The following PHLPP2 variants were observed in gnomAD, a reference collection of about 807,000 sequenced individuals.
The protein encoded by PHLPP2 is PH domain leucine-rich repeat-containing protein phosphatase 2.
In PHLPP2, 66 loss-of-function variants were observed where a neutral mutation model predicts 124.9. The observed-to-expected ratio is 0.53, with a 90% confidence interval of 0.43 to 0.65. The LOEUF is 0.65. PHLPP2 is among the 30% of genes least tolerant of loss of function. The probability of loss-of-function intolerance (pLI) is 0.00; values close to 1 mark genes in which losing one functional copy is unlikely to be tolerated. For synonymous variants in PHLPP2, 681 were observed against 624.7 expected, an observed-to-expected ratio of 1.09 and a Z score of -1.34; for missense variants, 1,685 against 1,600.4, an observed-to-expected ratio of 1.05 and a Z score of -0.90.
intron 1 of PHLPP2, among the ~76,000 whole-genome samples, chr16:71,720,259 G>A (rs985781385): frequency 3.3e-5 from 5 of 151,690 alleles, no homozygotes; most frequent in South Asian, 2.1e-4. Context: ...GTGAGCCACC[G>A]CGCCTGGCCA....
chr16:71,721,501 G>C (rs767337256), intron 1 of PHLPP2, among the ~76,000 whole-genome samples: 8 of 152,262 alleles, frequency 5.3e-5, no homozygotes, highest in Middle Eastern at 3.4e-3. Context: ...CTACTTGAGA[G>C]GCTGAGGTAC....
At chr16:71,702,799 G>GTCTTTT in intron 2 of PHLPP2, 68 bp from the exon 3 acceptor site, 1 of 913,632 alleles carries the variant, frequency 1.1e-6, no homozygotes, top group Non-Finnish European at 1.6e-6. Context: ...TAATTTTTTA[G>GTCTTTT]TATTTTTATT....
In PHLPP2 at chr16:71,690,592, G is replaced by T; in HGVS notation, c.536C>A (p.Thr179Asn). Residue 179 changes from threonine (T) to asparagine (N), a missense_variant, in exon 4 of 19, where the codon ACC becomes AAC. Thr to Asn is a moderately conservative substitution (Grantham distance 65, BLOSUM62 0). Coordinates refer to ENST00000568954, the MANE Select transcript of PHLPP2 (RefSeq NM_015020.3). Reference protein sequence around the residue: ...WAERLVVLCGTCLIVSSVKDC... With the variant: ...WAERLVVLCGNCLIVSSVKDC... ...CTTCACTGAGGAAACGATAAGGCAG[G>T]TACCACAGAGGACAACTAGGCGCTC... 2.5e-6 allele frequency: 4 copies of T among 1,612,508 alleles called. No individual in the cohort carries two copies. Among genetic ancestry groups the T allele is most frequent in the Non-Finnish European group, 3.4e-6 (4 of 1,178,564 alleles).
At chr16:71,660,372 CAAAAAAA>C (rs1158155665) in intron 13 of PHLPP2, among the ~76,000 whole-genome samples, 45 of 27,000 alleles carry the variant, frequency 1.7e-3, no homozygotes, top group African/African-American at 5.9e-3. Context: ...GACCTTGTCT[CAAAAAAA>C]AAAAAAAAAA....
intron 4 of PHLPP2, among the ~76,000 whole-genome samples, chr16:71,685,198 G>A (rs143408429): frequency 0.012 from 1,782 of 152,258 alleles, 17 homozygotes; most frequent in South Asian, 0.034. Flanking sequence ...GTGGTCACGG[G>A]CTCCTGTAAT....
In PHLPP2 at chr16:71,690,520, T is replaced by C; in HGVS notation, c.608A>G (p.Lys203Arg). The C allele has an allele frequency of 1.3e-6, 2 of 1,596,614 alleles. No homozygotes were observed. The highest frequency in any genetic ancestry group is 1.7e-6 in the Non-Finnish European group (2 of 1,168,960). Residue 203 changes from lysine to arginine, a missense_variant and splice_region_variant, in exon 4 of 19, where the codon AAG becomes AGG. Transcript: ENST00000568954. ...KMHILPLVGG[K>R]IEEVKRRQYS... is the part of the protein sequence containing the mutation. Reference sequence around the variant, plus strand: ...ATAATTCATCTTTGTGAGTCTTACCTTTCCACCAACCAGAGGCAAAATGTG... The same window carrying C: ...ATAATTCATCTTTGTGAGTCTTACCCTTCCACCAACCAGAGGCAAAATGTG...
chr16:71,674,659 T>C (rs764763660), intron 9 of PHLPP2, among the ~76,000 whole-genome samples: 20 of 152,294 alleles, frequency 1.3e-4, no homozygotes, highest in Middle Eastern at 3.4e-3. Flanking sequence ...AATATTCTAT[T>C]GCATGAATAT....
intron 3 of PHLPP2, among the ~76,000 whole-genome samples, chr16:71,694,341 A>C (rs532227029): frequency 3.2e-4 from 49 of 152,172 alleles, no homozygotes; most frequent in Non-Finnish European, 6.3e-4. Context: ...GACACCTGTA[A>C]TCCCAGCTAC....
rs764245041 is a variant in PHLPP2 at position 71,714,665 on chromosome 16, G to C, written c.131C>G (p.Thr44Ser). The C allele has an allele frequency of 9.9e-6, 16 of 1,613,546 alleles. No individual in the cohort carries two copies. Among genetic ancestry groups the C allele is most frequent in the Non-Finnish European group, 1.3e-5 (15 of 1,179,654 alleles). The change falls in exon 2 of 19, where the codon ACT becomes AGT. Residue 44 changes from threonine (T) to serine (S), a missense_variant. Thr to Ser is a moderately conservative substitution (Grantham distance 58, BLOSUM62 1). Coordinates refer to ENST00000568954, the MANE Select transcript of PHLPP2 (RefSeq NM_015020.3). ...YLYGADTTTA[T>S]TTTTTSSSSS... ...GGAAGAGGAGGTGGTGGTGGTTGTAGTGGCAGTGGTAGTGTCTGCTCCATA... is the reference window on the plus strand; with the variant it reads ...GGAAGAGGAGGTGGTGGTGGTTGTACTGGCAGTGGTAGTGTCTGCTCCATA...
chr16:71,702,456 G>C (rs17356206), intron 3 of PHLPP2, 142 bp downstream of exon 3: 59,209 of 553,528 alleles, frequency 0.11, 3,823 homozygotes, highest in Middle Eastern at 0.16. Flanking sequence ...TTTTGTTGTT[G>C]TTTGGTTGGT....
At chr16:71,672,224 A>G (rs1466041888) in intron 10 of PHLPP2, 38 bp downstream of exon 10, 1 of 1,504,808 alleles carries the variant, frequency 6.6e-7, no homozygotes, top group Admixed American at 1.7e-5. Context: ...TCTCTTAAAT[A>G]GTAAGAAGCA....
In PHLPP2 at chr16:71,649,211, C is replaced by CAGG; in HGVS notation, c.3648_3650dup (p.Leu1217dup). 1 of 1,613,982 alleles carries CAGG rather than the reference C, an allele frequency of 6.2e-7. No homozygotes were observed. Among genetic ancestry groups the CAGG allele is most frequent in the African/African-American group, 1.3e-5 (1 of 75,028 alleles). The stretch of plus-strand genomic sequence containing the variant: ...ACTCCATCCTGTCCTTGCTCATTGG[C>CAGG]AGGAGCATGCCACTATTCACACTGT... On this transcript the variant is annotated inframe_insertion, in exon 19 of 19. Transcript: ENST00000568954.
At chr16:71,672,061 G>A (rs1359857110) in intron 10 of PHLPP2, among the ~76,000 whole-genome samples, 5 of 152,158 alleles carry the variant, frequency 3.3e-5, no homozygotes, top group Non-Finnish European at 7.3e-5. Context: ...GTAATTCACA[G>A]ACACCTTACT....
chr16:71,710,118 G>A (rs2045313970), intron 2 of PHLPP2, among the ~76,000 whole-genome samples: 1 of 152,116 alleles, frequency 6.6e-6, no homozygotes, highest in African/African-American at 2.4e-5. Context: ...CAAAGTGCTA[G>A]GATTACAGAC....
At position 71,697,172 on chromosome 16, in the gene PHLPP2, C is replaced by CAATAAATAAATA. The variant is rs71389694; in HGVS notation, c.418+5414_418+5425dup. On this transcript the variant is annotated intron_variant, in intron 3 of 18. Coordinates refer to ENST00000568954, the MANE Select transcript of PHLPP2 (RefSeq NM_015020.3). ...TGGGCGACAGAGCAAGACTCTGTCTCAATAAATAAATAAATAAATAAATAA... is the reference window on the plus strand; with the variant it reads ...TGGGCGACAGAGCAAGACTCTGTCTCAATAAATAAATAAATAAATAAATAAATAAATAAATAA... Among the ~76,000 whole-genome samples, 377 of 124,102 alleles carry CAATAAATAAATA rather than the reference C, an allele frequency of 3.0e-3. 2 individuals are homozygous for CAATAAATAAATA. The highest frequency in any genetic ancestry group is 7.8e-3 in the African/African-American group (258 of 33,188). The allele number at this position is 124,102 out of a possible 152,430, so 81.4% of individuals were successfully genotyped here. A position where few individuals can be genotyped will look rare whatever the true frequency, so the allele number is the denominator to read the frequency against.
rs1253810751 is a variant in PHLPP2 at position 71,648,973 on chromosome 16, G to A, written c.3889C>T (p.Gln1297Ter). 6.2e-7 allele frequency: 1 copy of A among 1,613,900 alleles called. No individual in the cohort carries two copies. The highest frequency in any genetic ancestry group is 1.3e-5 in the African/African-American group (1 of 74,918). The change falls in exon 19 of 19, where the codon CAG (glutamine) becomes TAG (stop). Residue 1297 changes from glutamine (Q) to a stop codon, truncating the protein, a stop_gained. Coordinates refer to ENST00000568954, the MANE Select transcript of PHLPP2 (RefSeq NM_015020.3). LOFTEE classifies it high-confidence loss of function. ...LEEEVKEQMK[Q>*]HQDSRLEPEP... is the part of the protein sequence containing the mutation. ...GGCTCGAGCCGGCTGTCCTGGTGCT[G>A]TTTCATTTGTTCCTTCACTTCTTCT...
Position 71,669,271 on chromosome 16 carries a change from A to G in PHLPP2, c.1628+4T>C. The G allele has an allele frequency of 6.3e-7, 1 of 1,589,790 alleles. No homozygotes were observed. Among genetic ancestry groups the G allele is most frequent in the Non-Finnish European group, 8.6e-7 (1 of 1,159,852 alleles). On this transcript the variant is annotated splice_donor_region_variant and intron_variant, in intron 11 of 18. Coordinates refer to ENST00000568954, the MANE Select transcript of PHLPP2 (RefSeq NM_015020.3). ...ACATAATATATGCATCCAGGCACACATACCTCACGGGAACCTCTGTGAGAA... is the reference window on the plus strand; with the variant it reads ...ACATAATATATGCATCCAGGCACACGTACCTCACGGGAACCTCTGTGAGAA...
chr16:71,700,230 C>T (rs1297346007), intron 3 of PHLPP2, among the ~76,000 whole-genome samples: 2 of 152,024 alleles, frequency 1.3e-5, no homozygotes, highest in African/African-American at 4.8e-5. Flanking sequence ...CATGGCGAGA[C>T]CTCAGCTCTA....
intron 2 of PHLPP2, among the ~76,000 whole-genome samples, chr16:71,704,307 C>CAAAAAAAAAAAAAAAA (rs56882820): frequency 3.0e-5 from 3 of 98,750 alleles, no homozygotes; most frequent in African/African-American, 1.2e-4. Context: ...GACTCTGTCT[C>CAAAAAAAAAAAAAAAA]AAAAAAAAAA....
Sources: gnomAD v4.1 joint callset for allele counts (sites outside exome capture counted in the v4.1 genomes callset) on GRCh38, gnomAD v4.1.1 for gene constraint, MANE v1.5 for transcripts, NCBI Gene and HGNC (gene_info 2026-07-23, HGNC 2026-07-21) for gene names.